Variants in PDE4D observed in about 807,000 individuals in gnomAD.
The protein encoded by PDE4D is 3',5'-cyclic-AMP phosphodiesterase 4D.
Under a neutral mutation model 87.4 loss-of-function variants are expected in PDE4D, and 24 were observed. The ratio of observed to expected loss-of-function variants is 0.27; its 90% CI spans 0.20 to 0.39. The LOEUF (loss-of-function observed/expected upper bound fraction) is 0.39. PDE4D is among the 10% of genes least tolerant of loss of function. The probability of loss-of-function intolerance (pLI) is 1.00; values close to 1 mark genes in which losing one functional copy is unlikely to be tolerated. For missense variants in PDE4D, 714 were observed against 1,041.0 expected (o/e 0.69, Z 4.32); for synonymous variants, 384 against 383.2 (o/e 1.00, Z -0.02).
chr5:59,424,821 GT>G (rs1794969094), intron 1 of PDE4D, among the ~76,000 whole-genome samples: 2 of 152,268 alleles, frequency 1.3e-5, no homozygotes, highest in African/African-American at 4.8e-5. Context: ...CACACAAGTA[GT>G]CACACATTCA....
chr5:59,790,389 C>T (rs1345268009), intron 1 of PDE4D, among the ~76,000 whole-genome samples: 1 of 152,132 alleles, frequency 6.6e-6, no homozygotes, highest in Admixed American at 6.5e-5. Context: ...ATATTTCGGG[C>T]TTCATGTGAA....
chr5:59,623,423 C>T (rs947775953), intron 1 of PDE4D, among the ~76,000 whole-genome samples: 1 of 152,186 alleles, frequency 6.6e-6, no homozygotes, highest in South Asian at 2.1e-4. Flanking sequence ...TTCAGACTCA[C>T]CTCCACTTCA....
intron 1 of PDE4D, among the ~76,000 whole-genome samples, chr5:60,386,117 A>T (rs1487635668): frequency 6.6e-6 from 1 of 152,228 alleles, no homozygotes; most frequent in Admixed American, 6.5e-5. Context: ...CAAAATAAAT[A>T]ATAAATCTGT....
At chr5:59,720,518 A>AC (rs1180086678) in intron 1 of PDE4D, among the ~76,000 whole-genome samples, 1 of 152,136 alleles carries the variant, frequency 6.6e-6, no homozygotes, top group African/African-American at 2.4e-5. Flanking sequence ...GTAAACAAGG[A>AC]CCCCTCAGGT....
intron 1 of PDE4D, among the ~76,000 whole-genome samples, chr5:60,196,838 C>T (rs539786606): frequency 5.3e-5 from 8 of 151,548 alleles, no homozygotes; most frequent in African/African-American, 1.9e-4. Context: ...AATCTGCTGT[C>T]TGAATACTTG....
intron 1 of PDE4D, among the ~76,000 whole-genome samples, chr5:59,254,168 A>T (rs909899514): frequency 4.6e-5 from 7 of 152,086 alleles, no homozygotes; most frequent in Non-Finnish European, 1.0e-4. Flanking sequence ...TCACCAACAC[A>T]TGATACTTGG....
chr5:60,426,939 T>C (rs1743775766), intron 1 of PDE4D, among the ~76,000 whole-genome samples: 2 of 152,024 alleles, frequency 1.3e-5, no homozygotes, highest in South Asian at 2.1e-4. Flanking sequence ...AGTGGACAGG[T>C]CTGAATAGCT....
intron 1 of PDE4D, among the ~76,000 whole-genome samples, chr5:60,290,488 A>G (rs1752797119): frequency 6.6e-6 from 1 of 152,204 alleles, no homozygotes; most frequent in Non-Finnish European, 1.5e-5. Context: ...TTATACATTA[A>G]TATGAAAAAA....
At chr5:59,240,665 C>T (rs764969908) in intron 1 of PDE4D, among the ~76,000 whole-genome samples, 2 of 152,138 alleles carry the variant, frequency 1.3e-5, no homozygotes, top group Non-Finnish European at 2.9e-5. Context: ...TTATGTCATT[C>T]TAAAACATAG....
chr5:59,083,470 T>A (rs1467843649), intron 5 of PDE4D, among the ~76,000 whole-genome samples: 1 of 152,102 alleles, frequency 6.6e-6, no homozygotes, highest in African/African-American at 2.4e-5. Flanking sequence ...ATATCTTTTT[T>A]ACTTTTCCAT....
intron 1 of PDE4D, among the ~76,000 whole-genome samples, chr5:60,365,124 A>C (rs541957789): frequency 6.6e-6 from 1 of 152,238 alleles, no homozygotes; most frequent in Non-Finnish European, 1.5e-5. Flanking sequence ...ACTTTAAAAT[A>C]ATACAGGAAC....
At chr5:60,163,211 C>T (rs951962601) in intron 2 of PDE4D, among the ~76,000 whole-genome samples, 11 of 152,064 alleles carry the variant, frequency 7.2e-5, no homozygotes, top group Admixed American at 3.9e-4. Context: ...AACACATAAG[C>T]GTGTTTCCTC....
At chr5:60,519,667 G>A (rs1198641445) in intron 1 of PDE4D, among the ~76,000 whole-genome samples, 2 of 152,206 alleles carry the variant, frequency 1.3e-5, no homozygotes, top group African/African-American at 4.8e-5. Context: ...CTCTGTTGGT[G>A]GGTGGGATTT....
chr5:59,536,639 C>T (rs1815324412), intron 1 of PDE4D, among the ~76,000 whole-genome samples: 1 of 151,862 alleles, frequency 6.6e-6, no homozygotes, highest in African/African-American at 2.4e-5. Context: ...TTTAACTTCT[C>T]CCACTTTTTC....
chr5:59,486,982 C>T (rs796102545), intron 1 of PDE4D, among the ~76,000 whole-genome samples: 16 of 152,274 alleles, frequency 1.1e-4, no homozygotes, highest in African/African-American at 3.9e-4. Flanking sequence ...AGTTAATAGG[C>T]CTTCTTGTTT....
At chr5:59,641,968 C>A (rs1203669611) in intron 1 of PDE4D, among the ~76,000 whole-genome samples, 1 of 152,030 alleles carries the variant, frequency 6.6e-6, no homozygotes, top group African/African-American at 2.4e-5. Flanking sequence ...AACTTGGGAG[C>A]AATATAAATG....
chr5:59,723,607 C>A (rs1441637173), intron 1 of PDE4D, among the ~76,000 whole-genome samples: 1 of 152,024 alleles, frequency 6.6e-6, no homozygotes, highest in Non-Finnish European at 1.5e-5. Context: ...ATGCAATGTC[C>A]CTGATAGGAA....
intron 1 of PDE4D, among the ~76,000 whole-genome samples, chr5:60,434,049 T>G (rs924046179): frequency 1.9e-4 from 29 of 152,174 alleles, no homozygotes; most frequent in African/African-American, 7.0e-4. Context: ...AGAGCAAACT[T>G]AAACATGTGC....
At chr5:59,244,399 AAAT>A (rs1219823949) in intron 1 of PDE4D, among the ~76,000 whole-genome samples, 3 of 151,302 alleles carry the variant, frequency 2.0e-5, no homozygotes, top group Non-Finnish European at 4.4e-5. Flanking sequence ...TCATCTCAAA[AAAT>A]AATAAATAAA....
Sources: gnomAD v4.1 joint callset for allele counts (sites outside exome capture counted in the v4.1 genomes callset) on GRCh38, gnomAD v4.1.1 for gene constraint, MANE v1.5 for transcripts, NCBI Gene and HGNC (gene_info 2026-07-23, HGNC 2026-07-21) for gene names.